Variants in EXOC5 observed in about 807,000 individuals in gnomAD.
EXOC5 encodes SEC10-like 1.
Under a neutral mutation model 90.8 loss-of-function variants are expected in EXOC5, and 17 were observed. That is an observed-to-expected ratio of 0.19 (90% confidence interval 0.13 to 0.28). The LOEUF (loss-of-function observed/expected upper bound fraction) is 0.28, where lower values mean the gene tolerates loss of function less well. Ranked by LOEUF, EXOC5 falls within the 10% of genes least tolerant of loss-of-function variation. The pLI, the probability that EXOC5 is intolerant of heterozygous loss-of-function variation, is 1.00. For synonymous variants in EXOC5, 260 were observed against 270.0 expected (o/e 0.96, Z 0.36); for missense variants, 569 against 830.6 (o/e 0.69, Z 3.87).
intron 4 of EXOC5, 23 bp from the exon 5 acceptor site, chr14:57,239,682 A>C: frequency 7.0e-7 from 1 of 1,433,268 alleles, no homozygotes; most frequent in Non-Finnish European, 9.4e-7. Context: ...AAATAAAAGC[A>C]ATAATTTAAA....
rs529034884 is a variant in EXOC5 at position 57,234,394 on chromosome 14, C to A, written c.670-362G>T. 1.4e-4 allele frequency among the ~76,000 whole-genome samples: 21 copies of A among 151,508 alleles called. No individual in the cohort carries two copies. The South Asian group carries it at 4.0e-3, about 29-fold the overall frequency. On this transcript the variant is annotated intron_variant, in intron 7 of 17. Coordinates refer to ENST00000621441, the MANE Select transcript of EXOC5 (RefSeq NM_006544.4). ...ACTCACACCCACCCACACACATACACACAAACACACACATACACAGAGAGT... is the reference window on the plus strand; with the variant it reads ...ACTCACACCCACCCACACACATACAAACAAACACACACATACACAGAGAGT...
chr14:57,230,835 A>G (rs1039402455), intron 11 of EXOC5, among the ~76,000 whole-genome samples: 2 of 151,172 alleles, frequency 1.3e-5, no homozygotes, highest in Admixed American at 1.3e-4. Flanking sequence ...ACTATTTTCT[A>G]TTTTTTTCAC....
intron 4 of EXOC5, among the ~76,000 whole-genome samples, chr14:57,242,785 A>ATG (rs1883909935): frequency 6.6e-6 from 1 of 152,170 alleles, no homozygotes; most frequent in Admixed American, 6.5e-5. Flanking sequence ...GTTCTTAAGG[A>ATG]TGGCTAACTG....
Position 57,205,848 on chromosome 14 carries a change from A to T in EXOC5, c.*2761T>A. 1 of 454,722 alleles carries T rather than the reference A, an allele frequency of 2.2e-6. No individual in the cohort carries two copies. Among genetic ancestry groups the T allele is most frequent in the Non-Finnish European group, 4.4e-6 (1 of 226,376 alleles). The allele number at this position is 454,722 out of a possible 1,614,324, so 28.2% of individuals were successfully genotyped here. A position where few individuals can be genotyped will look rare whatever the true frequency, so the allele number is the denominator to read the frequency against. ...AGTTTTTTAAAACAAGGAAGATCCTAAGGACTTGCAACTATGGCAATCCTC... is the reference window on the plus strand; with the variant it reads ...AGTTTTTTAAAACAAGGAAGATCCTTAGGACTTGCAACTATGGCAATCCTC... On this transcript the variant is annotated 3_prime_UTR_variant, in exon 18 of 18. Transcript: ENST00000621441.
chr14:57,220,975 T>G (rs1250610133), intron 13 of EXOC5, among the ~76,000 whole-genome samples: 1 of 152,154 alleles, frequency 6.6e-6, no homozygotes, highest in Non-Finnish European at 1.5e-5. Context: ...AATAAGCATG[T>G]GTTAAATGAA....
rs1310950915 is a variant in EXOC5, at chr14:57,202,039, T to C, written c.*6570A>G. ...TGATAAAAATGAACATCATCAGAAA[T>C]GGGGCAAATTGAAATTGTGTACTAT... On this transcript the variant is annotated 3_prime_UTR_variant, in exon 18 of 18. Coordinates refer to ENST00000621441, the MANE Select transcript of EXOC5 (RefSeq NM_006544.4). The C allele has an allele frequency of 6.6e-6, 1 of 151,980 alleles. No individual in the cohort carries two copies. The highest frequency in any genetic ancestry group is 2.4e-5 in the African/African-American group (1 of 41,378). 9.4% of individuals were successfully genotyped at this position (151,980 alleles called of 1,614,324 possible). A position where few individuals can be genotyped will look rare whatever the true frequency, so the allele number is the denominator to read the frequency against.
chr14:57,253,502 T>C (rs1884251734), intron 1 of EXOC5, among the ~76,000 whole-genome samples: 1 of 152,188 alleles, frequency 6.6e-6, no homozygotes, highest in East Asian at 1.9e-4. Context: ...CTTGTGAATA[T>C]CCCAATGACT....
At chr14:57,226,228 A>C (rs536598999) in intron 12 of EXOC5, among the ~76,000 whole-genome samples, 1 of 152,314 alleles carries the variant, frequency 6.6e-6, no homozygotes, top group African/African-American at 2.4e-5. Context: ...TTAGGAATAA[A>C]ATGGGAGGCA....
chr14:57,235,294 TC>T, intron 7 of EXOC5, among the ~76,000 whole-genome samples: 1 of 152,252 alleles, frequency 6.6e-6, no homozygotes, highest in South Asian at 2.1e-4. Context: ...TTGTATTACC[TC>T]CTGAGGTCCC....
intron 12 of EXOC5, among the ~76,000 whole-genome samples, chr14:57,223,783 C>CA (rs1883223911): frequency 6.6e-6 from 1 of 151,590 alleles, no homozygotes; most frequent in Non-Finnish European, 1.5e-5. Flanking sequence ...CAAGTGCATA[C>CA]AAAAAAGATG....
rs1413043926 is a variant in EXOC5, at chr14:57,202,554, C to T, written c.*6055G>A. The T allele has an allele frequency of 6.6e-6, 1 of 152,050 alleles. No individual in the cohort carries two copies. Among genetic ancestry groups the T allele is most frequent in the Non-Finnish European group, 1.5e-5 (1 of 67,974 alleles). The allele number at this position is 152,050 out of a possible 1,614,324, so 9.4% of individuals were successfully genotyped here. A position where few individuals can be genotyped will look rare whatever the true frequency, so the allele number is the denominator to read the frequency against. On this transcript the variant is annotated 3_prime_UTR_variant, in exon 18 of 18. Transcript: ENST00000621441. ...AAGTCTGATTGTTTCAAAAATTTTTCTTTAAAAAGCAGAATGTAGAACACT... is the reference window on the plus strand; with the variant it reads ...AAGTCTGATTGTTTCAAAAATTTTTTTTTAAAAAGCAGAATGTAGAACACT...
At chr14:57,237,306 T>C in intron 6 of EXOC5, 32 bp downstream of exon 6, 1 of 1,187,246 alleles carries the variant, frequency 8.4e-7, no homozygotes, top group Non-Finnish European at 1.2e-6. Context: ...TTTTACTTAT[T>C]AAAAAAAAGG....
Position 57,222,435 on chromosome 14 carries a change from A to C in EXOC5, c.1297-19T>G. The C allele has an allele frequency of 2.2e-6, 3 of 1,370,892 alleles. No homozygotes were observed. The highest frequency in any genetic ancestry group is 3.1e-6 in the Non-Finnish European group (3 of 971,560). 84.9% of individuals were successfully genotyped at this position (1,370,892 alleles called of 1,614,324 possible). A position where few individuals can be genotyped will look rare whatever the true frequency, so the allele number is the denominator to read the frequency against. On this transcript the variant is annotated intron_variant, in intron 12 of 17. Coordinates refer to ENST00000621441, the MANE Select transcript of EXOC5 (RefSeq NM_006544.4). ...CAGAGAGCTTAAAAACAAAAATCAA[A>C]CAATATCACTCCTCAAGTCTACCTT... is the stretch of plus-strand genomic sequence containing the variant.
Position 57,205,090 on chromosome 14 carries a change from A to T in EXOC5, c.*3519T>A, listed in dbSNP as rs1882610372. On this transcript the variant is annotated 3_prime_UTR_variant, in exon 18 of 18. Transcript: ENST00000621441. The stretch of plus-strand genomic sequence containing the variant: ...TCATCTGTCAAATGGAAATAATAGT[A>T]CCCAAATCCTAGGGTTGCTCTAGAA... 6.6e-6 allele frequency: 1 copy of T among 152,006 alleles called. No individual in the cohort carries two copies. The highest frequency in any genetic ancestry group is 1.5e-5 in the Non-Finnish European group (1 of 67,886). The allele number at this position is 152,006 out of a possible 1,614,324, so 9.4% of individuals were successfully genotyped here.
Position 57,244,665 on chromosome 14 carries a change from T to C in EXOC5, c.271-306A>G, listed in dbSNP as rs1413991416. 3.3e-5 allele frequency among the ~76,000 whole-genome samples: 5 copies of C among 152,248 alleles called. No homozygotes were observed. In the East Asian group the frequency reaches 5.8e-4, roughly 18 times the overall value. On this transcript the variant is annotated intron_variant, in intron 3 of 17. Transcript: ENST00000621441. ...AACACCATTTAGCCCCAAATGATGA[T>C]TCTGAAAACAATTAGCTAAGTATGA... is the stretch of plus-strand genomic sequence containing the variant.
chr14:57,212,234 C>T (rs1262832630), intron 15 of EXOC5, among the ~76,000 whole-genome samples: 1 of 152,184 alleles, frequency 6.6e-6, no homozygotes, highest in Non-Finnish European at 1.5e-5. Context: ...AATAAAGTCA[C>T]ATTGGGAAAG....
intron 1 of EXOC5, among the ~76,000 whole-genome samples, chr14:57,255,436 C>T (rs1884322379): frequency 6.6e-6 from 1 of 152,098 alleles, no homozygotes; most frequent in South Asian, 2.1e-4. Flanking sequence ...GACCCAGGCA[C>T]CCAGTTTACA....
intron 1 of EXOC5, among the ~76,000 whole-genome samples, chr14:57,266,967 T>C (rs1227654920): frequency 6.6e-6 from 1 of 152,122 alleles, no homozygotes; most frequent in African/African-American, 2.4e-5. Flanking sequence ...CAGGATTAAC[T>C]CAAAGGATAA....
At chr14:57,261,635 C>G (rs532479621) in intron 1 of EXOC5, among the ~76,000 whole-genome samples, 1 of 152,198 alleles carries the variant, frequency 6.6e-6, no homozygotes, top group African/African-American at 2.4e-5. Context: ...AATAATCATA[C>G]TGTTCACAAA....
Sources: allele counts gnomAD v4.1 joint callset (sites outside exome capture counted in the v4.1 genomes callset), GRCh38; gene constraint gnomAD v4.1.1; transcripts MANE v1.5; gene names NCBI Gene and HGNC (gene_info 2026-07-23, HGNC 2026-07-21).